GRHL3: variants seen among roughly 807,000 people sequenced by gnomAD.
GRHL3 encodes grainyhead-like protein 3 homolog.
Under a neutral mutation model 70.3 loss-of-function variants are expected in GRHL3, and 20 were observed. That is an observed-to-expected ratio of 0.28 (90% CI 0.20 to 0.41). The LOEUF (loss-of-function observed/expected upper bound fraction) is 0.41, where lower values mean the gene tolerates loss of function less well. GRHL3 is among the 10% of genes least tolerant of loss of function. The probability of loss-of-function intolerance (pLI) is 1.00; values close to 1 mark genes in which losing one functional copy is unlikely to be tolerated. For missense variants in GRHL3, 637 were observed against 762.3 expected, an observed-to-expected ratio of 0.84 and a Z score of 1.94; for synonymous variants, 299 against 299.9, an observed-to-expected ratio of 1.00 and a Z score of 0.03.
At chr1:24,332,826 T>C (rs1639660228) in intron 2 of GRHL3, among the ~76,000 whole-genome samples, 1 of 152,228 alleles carries the variant, frequency 6.6e-6, no homozygotes, top group Admixed American at 6.5e-5. Flanking sequence ...GGGTTCCAGA[T>C]AGGAGAAAGC....
chr1:24,319,504 C>G lies in GRHL3; in HGVS notation c.-48C>G. On this transcript the variant is annotated 5_prime_UTR_variant, in exon 1 of 16. Coordinates refer to ENST00000361548, the MANE Select transcript of GRHL3 (RefSeq NM_198173.3). ...GTGTCAGGCAAGAATTAGAGACAAG[C>G]GGTCAGCAGAGCCTCAGTGCTGATC... 2.6e-6 allele frequency: 4 copies of G among 1,523,696 alleles called. No homozygotes were observed. The highest frequency in any genetic ancestry group is 3.6e-6 in the Non-Finnish European group (4 of 1,097,658). The allele number at this position is 1,523,696 out of a possible 1,614,324, so 94.4% of individuals were successfully genotyped here.
chr1:24,342,316 A>T lies in GRHL3; in HGVS notation c.1206+43A>T. 1 of 1,527,200 alleles carries T rather than the reference A, an allele frequency of 6.5e-7. No individual in the cohort carries two copies. The highest frequency in any genetic ancestry group is 8.9e-7 in the Non-Finnish European group (1 of 1,126,922). 94.6% of individuals were successfully genotyped at this position (1,527,200 alleles called of 1,614,324 possible). ...ACCCTATACTGGGTCCCGGGGAGGTAGAAGGGCCAAACCCTGACCCGTGCG... is the reference window on the plus strand; with the variant it reads ...ACCCTATACTGGGTCCCGGGGAGGTTGAAGGGCCAAACCCTGACCCGTGCG... On this transcript the variant is annotated intron_variant, in intron 9 of 15. Coordinates refer to ENST00000361548, the MANE Select transcript of GRHL3 (RefSeq NM_198173.3). The surrounding 1 kb of genome is among the most constrained non-coding windows in gnomAD (Gnocchi z 4.8).
intron 15 of GRHL3, among the ~76,000 whole-genome samples, chr1:24,350,391 C>G (rs557307935): frequency 2.6e-5 from 4 of 152,138 alleles, no homozygotes; most frequent in African/African-American, 7.2e-5. Context: ...GTCAGAAGAC[C>G]CAGGTTCAAG....
intron 3 of GRHL3, among the ~76,000 whole-genome samples, chr1:24,335,427 A>T (rs1023396136): frequency 6.6e-6 from 1 of 152,098 alleles, no homozygotes; most frequent in African/African-American, 2.4e-5. Context: ...CTCACAAATG[A>T]CCCTGTAGGG....
At chr1:24,347,954 C>T (rs746778152) in intron 14 of GRHL3, among the ~76,000 whole-genome samples, 6 of 152,160 alleles carry the variant, frequency 3.9e-5, no homozygotes, top group South Asian at 2.1e-4. Flanking sequence ...GGCTGGGGGC[C>T]GCTGGCTGGG....
chr1:24,319,637 G>C, intron 1 of GRHL3, 69 bp downstream of exon 1: 3 of 1,612,464 alleles, frequency 1.9e-6, no homozygotes, highest in Non-Finnish European at 2.5e-6. Flanking sequence ...CCTGGAGGGG[G>C]AAGAGCGGGG....
At chr1:24,320,146 C>T (rs527412848) in intron 1 of GRHL3, among the ~76,000 whole-genome samples, 3 of 152,276 alleles carry the variant, frequency 2.0e-5, no homozygotes, top group South Asian at 2.1e-4. Flanking sequence ...GCTTCATTTT[C>T]CTCATCTGGA....
At chr1:24,343,857 G>A (rs7516709) in intron 11 of GRHL3, among the ~76,000 whole-genome samples, 2 of 152,206 alleles carry the variant, frequency 1.3e-5, no homozygotes, top group African/African-American at 2.4e-5. Flanking sequence ...TATTGACTTA[G>A]GACAATGAGG....
downstream of GRHL3, chr1:24,357,184 C>T (rs950124716): frequency 5.3e-5 from 8 of 152,152 alleles, no homozygotes; most frequent in African/African-American, 1.9e-4. Context: ...CAGTGGGGCA[C>T]CCAGAGTTGC....
Position 24,344,750 on chromosome 1 carries a change from G to A in GRHL3, c.1420-147G>A, listed in dbSNP as rs564572284. On this transcript the variant is annotated intron_variant, in intron 11 of 15. Transcript: ENST00000361548. Reference sequence around the variant, plus strand: ...CATCTCAGGTCACTTAAGGGCACTTGTCTGAGCAGAATGGGCTAGAAAGGC... The same window carrying A: ...CATCTCAGGTCACTTAAGGGCACTTATCTGAGCAGAATGGGCTAGAAAGGC... The A allele has an allele frequency of 1.2e-5, 10 of 846,282 alleles. No individual in the cohort carries two copies. In the East Asian group the frequency reaches 2.6e-4, roughly 22 times the overall value. The allele number at this position is 846,282 out of a possible 1,614,324, so 52.4% of individuals were successfully genotyped here. A position where few individuals can be genotyped will look rare whatever the true frequency, so the allele number is the denominator to read the frequency against.
chr1:24,339,690 C>T lies in GRHL3; in HGVS notation c.975C>T (p.Asn325=), dbSNP rs748657062. Residue 325 remains asparagine, a synonymous_variant, in exon 8 of 16, where the codon AAC becomes AAT. Coordinates refer to ENST00000361548, the MANE Select transcript of GRHL3 (RefSeq NM_198173.3). ...CAGCTGACTGCAAAGAAAACTTCAA[C>T]ACTGTGGAGCACATTGAGGAGGTGG... is the stretch of plus-strand genomic sequence containing the variant. ...IDVADCKENF[N]TVEHIEEVAY... The T allele has an allele frequency of 3.1e-6, 5 of 1,612,774 alleles. No homozygotes were observed. The highest frequency in any genetic ancestry group is 4.2e-6 in the Non-Finnish European group (5 of 1,179,062).
intron 5 of GRHL3, 110 bp from the exon 6 acceptor site, chr1:24,337,526 A>T: frequency 8.5e-7 from 1 of 1,170,480 alleles, no homozygotes; most frequent in Non-Finnish European, 1.2e-6. Context: ...TTATTTTCCA[A>T]GGTCAAACAG....
intron 15 of GRHL3, among the ~76,000 whole-genome samples, chr1:24,353,983 AC>A (rs1373010886): frequency 6.6e-6 from 1 of 151,734 alleles, no homozygotes; most frequent in Non-Finnish European, 1.5e-5. Flanking sequence ...CCAACCCACC[AC>A]CCCTCCGGGG....
At chr1:24,360,226 G>A (rs1201090680), downstream of GRHL3, among the ~76,000 whole-genome samples, 5 of 152,186 alleles carry the variant, frequency 3.3e-5, no homozygotes, top group Non-Finnish European at 7.3e-5. Context: ...GGGCAGACCA[G>A]TTGAGGTCAG....
chr1:24,339,591 G>A, intron 7 of GRHL3, 77 bp from the exon 8 acceptor site: 2 of 1,051,380 alleles, frequency 1.9e-6, no homozygotes, highest in Non-Finnish European at 2.8e-6. Flanking sequence ...GTGAGGCCCA[G>A]TTTTTAATGC....
chr1:24,331,399 A>C (rs1639604375), intron 1 of GRHL3, 27 bp from the exon 2 acceptor site: 2 of 1,575,206 alleles, frequency 1.3e-6, no homozygotes, highest in East Asian at 4.6e-5. Context: ...GGATAGCCTA[A>C]ATTTGACTCT....
intron 14 of GRHL3, 150 bp from the exon 15 acceptor site, chr1:24,349,908 T>C: frequency 1.6e-6 from 1 of 616,860 alleles, no homozygotes. Flanking sequence ...AACAGGATTA[T>C]AGATGATTGT....
At chr1:24,354,028 A>G (rs1260120834) in intron 15 of GRHL3, among the ~76,000 whole-genome samples, 3 of 152,120 alleles carry the variant, frequency 2.0e-5, no homozygotes, top group Non-Finnish European at 4.4e-5. Context: ...AGTCCTCAAT[A>G]TGGTGACTAA....
intron 14 of GRHL3, among the ~76,000 whole-genome samples, chr1:24,347,917 G>T (rs893814890): frequency 6.6e-6 from 1 of 152,176 alleles, no homozygotes; most frequent in Non-Finnish European, 1.5e-5. Flanking sequence ...TCTTTCCCAG[G>T]GGGCCTCATT....
Sources: gnomAD v4.1 joint callset for allele counts (sites outside exome capture counted in the v4.1 genomes callset) on GRCh38, gnomAD v4.1.1 for gene constraint, Gnocchi (gnomAD v3.1) non-coding constraint, MANE v1.5 for transcripts, NCBI Gene and HGNC (gene_info 2026-07-23, HGNC 2026-07-21) for gene names.